Variants in RAD51 observed in about 807,000 individuals in gnomAD.
RAD51 encodes DNA repair protein RAD51 homolog 1.
In RAD51, 14 loss-of-function variants were observed where a neutral mutation model predicts 41.5. The ratio of observed to expected loss-of-function variants is 0.34; its 90% CI spans 0.22 to 0.53. RAD51 has a LOEUF of 0.53. Among genes scored for constraint, RAD51 ranks in the 20% least tolerant of loss-of-function variants. RAD51 has a pLI of 0.95. For synonymous variants in RAD51, 136 were observed against 148.6 expected, an observed-to-expected ratio of 0.92 and a Z score of 0.62; for missense variants, 234 against 422.0, an observed-to-expected ratio of 0.55 and a Z score of 3.90.
chr15:40,709,716 A>G (rs1168324977), intron 5 of RAD51, among the ~76,000 whole-genome samples: 1 of 152,210 alleles, frequency 6.6e-6, no homozygotes, highest in African/African-American at 2.4e-5. Flanking sequence ...TCATCATTAA[A>G]GTAATTCTCT....
At chr15:40,722,835 A>G (rs906674262) in intron 6 of RAD51, among the ~76,000 whole-genome samples, 2 of 152,196 alleles carry the variant, frequency 1.3e-5, no homozygotes, top group African/African-American at 4.8e-5. Context: ...ATGAAAGAAT[A>G]AATTGATAAT....
In RAD51 at chr15:40,718,800, T is replaced by C. The variant is rs750044546; in HGVS notation, c.436-5T>C. 1.5e-5 allele frequency: 24 copies of C among 1,600,856 alleles called. No homozygotes were observed. The South Asian group carries it at 1.5e-4, about 10-fold the overall frequency. On this transcript the variant is annotated splice_region_variant and splice_polypyrimidine_tract_variant and intron_variant, in intron 5 of 9. Transcript: ENST00000267868. The stretch of plus-strand genomic sequence containing the variant: ...CATTTCTACTGTTGTTTTTGTTCTC[T>C]ATAGCTTCCCATTGACCGGGGTGGA...
chr15:40,706,307 T>C lies in RAD51; in HGVS notation c.343+13T>C. The C allele has an allele frequency of 6.4e-7, 1 of 1,570,546 alleles. No homozygotes were observed. On this transcript the variant is annotated intron_variant, in intron 4 of 9. Coordinates refer to ENST00000267868, the MANE Select transcript of RAD51 (RefSeq NM_002875.5). ...AAACTACTTCAAGGTGTAGTAATCC[T>C]TTATCCTGTGTTGTGAACTCTAGTT...
intron 6 of RAD51, among the ~76,000 whole-genome samples, chr15:40,727,251 C>T (rs995732911): frequency 1.3e-5 from 2 of 151,588 alleles, no homozygotes; most frequent in African/African-American, 4.8e-5. Flanking sequence ...CATGAGCCAC[C>T]GTGCCCAGCC....
At chr15:40,705,337 A>G (rs1895264137) in intron 3 of RAD51, among the ~76,000 whole-genome samples, 1 of 152,226 alleles carries the variant, frequency 6.6e-6, no homozygotes, top group Non-Finnish European at 1.5e-5. Flanking sequence ...CCATAGTGCT[A>G]TTACAGAACA....
intron 3 of RAD51, among the ~76,000 whole-genome samples, chr15:40,702,584 C>T (rs1030827696): frequency 9.9e-5 from 15 of 152,206 alleles, no homozygotes; most frequent in Non-Finnish European, 1.9e-4. Flanking sequence ...GCAATTTTGG[C>T]TCTGCTCACT....
At chr15:40,700,016 G>C (rs757713037) in intron 2 of RAD51, among the ~76,000 whole-genome samples, 1 of 152,098 alleles carries the variant, frequency 6.6e-6, no homozygotes, top group Non-Finnish European at 1.5e-5. Context: ...AAATGGATTT[G>C]TGATAAACAT....
chr15:40,723,657 A>T (rs1896394361), intron 6 of RAD51, among the ~76,000 whole-genome samples: 1 of 152,182 alleles, frequency 6.6e-6, no homozygotes, highest in South Asian at 2.1e-4. Flanking sequence ...GTTAGTGGCG[A>T]TAGGAATGAG....
chr15:40,721,646 A>G (rs1162750948), intron 6 of RAD51, among the ~76,000 whole-genome samples: 1 of 152,194 alleles, frequency 6.6e-6, no homozygotes, highest in African/African-American at 2.4e-5. Flanking sequence ...CCTGGCTGAC[A>G]AGGCAATTTA....
At chr15:40,710,268 A>AAG (rs1895624627) in intron 5 of RAD51, among the ~76,000 whole-genome samples, 1 of 135,086 alleles carries the variant, frequency 7.4e-6, no homozygotes, top group Non-Finnish European at 1.6e-5. Context: ...AAAAAAAAAA[A>AAG]AAGAAGAAGA....
At chr15:40,730,520 CTTTT>C (rs778467789) in intron 9 of RAD51, among the ~76,000 whole-genome samples, 4 of 113,106 alleles carry the variant, frequency 3.5e-5, no homozygotes, top group Admixed American at 9.2e-5. Context: ...AATTTTTTTT[CTTTT>C]TTTTTTTTTT....
intron 3 of RAD51, among the ~76,000 whole-genome samples, chr15:40,704,206 T>C (rs1895180001): frequency 6.6e-6 from 1 of 151,820 alleles, no homozygotes; most frequent in Non-Finnish European, 1.5e-5. Flanking sequence ...CCTGAGTGGC[T>C]GGGATTACAG....
At chr15:40,706,145 T>C in intron 3 of RAD51, 32 bp from the exon 4 acceptor site, 2 of 1,494,756 alleles carry the variant, frequency 1.3e-6, no homozygotes, top group Non-Finnish European at 1.9e-6. Context: ...GGAATATTAT[T>C]TTGTTGATTT....
chr15:40,730,950 C>T (rs1390439185), intron 9 of RAD51, 105 bp from the exon 10 acceptor site: 2 of 1,448,610 alleles, frequency 1.4e-6, no homozygotes, highest in East Asian at 2.4e-5. Context: ...CAGGGTCCTT[C>T]TAGGAAGAAT....
At chr15:40,707,864 C>G (rs1342148026) in intron 4 of RAD51, among the ~76,000 whole-genome samples, 1 of 151,860 alleles carries the variant, frequency 6.6e-6, no homozygotes. Flanking sequence ...ATGACAGGCA[C>G]CCGCCACCGT....
chr15:40,707,540 CAG>C (rs1337695687), intron 4 of RAD51, among the ~76,000 whole-genome samples: 5 of 152,042 alleles, frequency 3.3e-5, no homozygotes, highest in Admixed American at 2.6e-4. Flanking sequence ...CTCCTGACCT[CAG>C]ATGATCTACC....
chr15:40,713,256 T>A (rs940119579), intron 5 of RAD51, among the ~76,000 whole-genome samples: 2 of 149,898 alleles, frequency 1.3e-5, no homozygotes, highest in Non-Finnish European at 3.0e-5. Context: ...TTTTTTTTTT[T>A]TTTTTTATTT....
chr15:40,695,052 C>T (rs950086192), upstream of RAD51: 3 of 152,326 alleles, frequency 2.0e-5, no homozygotes, highest in Non-Finnish European at 4.4e-5. Context: ...CGCGCAGGAT[C>T]AAGCTCTCGA....
intron 6 of RAD51, among the ~76,000 whole-genome samples, chr15:40,726,010 A>G (rs1453175011): frequency 2.0e-5 from 3 of 151,784 alleles, no homozygotes; most frequent in East Asian, 3.9e-4. Flanking sequence ...ACAAAAAAAA[A>G]TGCAAGCTCT....
Sources: allele counts gnomAD v4.1 joint callset (sites outside exome capture counted in the v4.1 genomes callset), GRCh38; gene constraint gnomAD v4.1.1; transcripts MANE v1.5; gene names NCBI Gene and HGNC (gene_info 2026-07-23, HGNC 2026-07-21).